The following WDR18 variants were observed in gnomAD, a reference collection of about 807,000 sequenced individuals.
The protein encoded by WDR18 is WD repeat domain 18, also known as WD repeat-containing protein 18.
A neutral mutation model predicts 49.6 loss-of-function variants in WDR18; 33 were observed. The ratio of observed to expected loss-of-function variants is 0.67; its 90% CI spans 0.50 to 0.89. The LOEUF is 0.89. Ranked by LOEUF, WDR18 falls within the 40% of genes least tolerant of loss-of-function variation. WDR18 has a pLI of 0.00. For missense variants in WDR18, 653 were observed against 593.6 expected (o/e 1.10, Z -1.04); for synonymous variants, 315 against 263.6 (o/e 1.19, Z -1.89).
At chr19:992,305 G>A (rs546726391) in intron 8 of WDR18, among the ~76,000 whole-genome samples, 184 bp downstream of exon 8, 1 of 152,228 alleles carries the variant, frequency 6.6e-6, no homozygotes, top group South Asian at 2.1e-4. Context: ...TCTCAGTATG[G>A]ACCCAGAGGC....
intron 2 of WDR18, among the ~76,000 whole-genome samples, chr19:989,050 C>T (rs1390494296): frequency 8.5e-6 from 1 of 117,510 alleles, no homozygotes; most frequent in East Asian, 2.7e-4. Flanking sequence ...GCCTCGAACC[C>T]ACAACCCCCA....
chr19:985,996 G>T (rs781419238), intron 2 of WDR18, 21 bp downstream of exon 2: 32 of 1,610,290 alleles, frequency 2.0e-5, no homozygotes, highest in Middle Eastern at 3.3e-4. Flanking sequence ...CAAAGCGTGA[G>T]CGTTTCCCAC....
intron 2 of WDR18, among the ~76,000 whole-genome samples, chr19:989,179 T>C (rs3815168): frequency 0.73 from 55,521 of 75,608 alleles, 20,079 homozygotes; most frequent in Middle Eastern, 0.82. Flanking sequence ...AGCATCTCAG[T>C]CCTCGAACCC....
At chr19:983,442 T>A (rs1409207310), upstream of WDR18, among the ~76,000 whole-genome samples, 3 of 152,010 alleles carry the variant, frequency 2.0e-5, no homozygotes, top group East Asian at 5.9e-4. Flanking sequence ...TTGTACTTTT[T>A]GTAAAGACGG....
At chr19:989,714 C>A in intron 2 of WDR18, 48 bp from the exon 3 acceptor site, 1 of 1,607,574 alleles carries the variant, frequency 6.2e-7, no homozygotes, top group Non-Finnish European at 8.5e-7. Context: ...CCCCTTTCCT[C>A]CCCTGGGGCT....
chr19:993,859 C>CG (rs2038593468), intron 8 of WDR18, among the ~76,000 whole-genome samples, 161 bp from the exon 9 acceptor site: 1 of 152,202 alleles, frequency 6.6e-6, no homozygotes, highest in Admixed American at 6.5e-5. Context: ...GCAGGCTCGA[C>CG]GGAGGTGAAC....
In WDR18 at chr19:989,836, C is replaced by G. The variant is rs551141167; in HGVS notation, c.396C>G (p.Asp132Glu). Residue 132 changes from aspartate (D) to glutamate (E), a missense_variant, in exon 3 of 10, where the codon GAC (aspartate) becomes GAG (glutamate). Transcript: ENST00000585809. The part of the protein sequence containing the change: ...QDVSCLQFTG[D>E]SSHFISGGKD... ...TCTCCTGCCTTCAGTTCACAGGGGA[C>G]AGCAGCCACTTCATCTCAGGGGGCA... 5.0e-6 allele frequency: 8 copies of G among 1,612,598 alleles called. No individual in the cohort carries two copies. The highest frequency in any genetic ancestry group is 5.9e-6 in the Non-Finnish European group (7 of 1,179,794).
rs757724277 is a variant in WDR18 at position 989,770 on chromosome 19, C to T, written c.330C>T (p.Thr110=). The change falls in exon 3 of 10, where the codon ACC becomes ACT. Residue 110 remains threonine, a synonymous_variant. Coordinates refer to ENST00000585809, the MANE Select transcript of WDR18 (RefSeq NM_024100.4). ...CCCTCTGCCCCTCACAGGTCTCCAC[C>T]GGGAACCTTCTGGTCATCCTGAGTC... The part of the protein sequence containing the change: ...AESIHLWEVS[T]GNLLVILSRH... 13 of 1,612,680 alleles carry T rather than the reference C, an allele frequency of 8.1e-6. No homozygotes were observed. Among genetic ancestry groups the T allele is most frequent in the East Asian group, 2.2e-5 (1 of 44,888 alleles).
rs542190475 is a variant in WDR18, at chr19:990,621, C to T, written c.598-231C>T. 228 of 809,854 alleles carry T rather than the reference C, an allele frequency of 2.8e-4. 5 individuals are homozygous for T. The South Asian group carries it at 4.3e-3, about 15-fold the overall frequency. The allele number at this position is 809,854 out of a possible 1,614,324, so 50.2% of individuals were successfully genotyped here. On this transcript the variant is annotated intron_variant, in intron 4 of 9. Transcript: ENST00000585809. ...GTCATCACTATGCTTGAGTCGTGAC[C>T]GGTGGTCCTGGGAGGGAGAACCAGG...
chr19:983,561 CTTT>C (rs34868789), upstream of WDR18, among the ~76,000 whole-genome samples: 77 of 141,974 alleles, frequency 5.4e-4, no homozygotes, highest in African/African-American at 1.9e-3. Flanking sequence ...AGCGCCCGGC[CTTT>C]TTTTTTTTTT....
Position 991,301 on chromosome 19 carries a change from G to A in WDR18, c.881G>A (p.Arg294His), listed in dbSNP as rs567748339. ...TCAGGCTCCCACGACGAGACCGTGC[G>A]CCTCTGGGACGTGCAGAGCAAGCAG... ...LLSGSHDETV[R>H]LWDVQSKQCI... is the part of the protein sequence containing the mutation. The change falls in exon 7 of 10, where the codon CGC becomes CAC. Residue 294 changes from arginine to histidine, a missense_variant. Physicochemically the swap from Arg to His is conservative, Grantham distance 29 (BLOSUM62 0). Transcript: ENST00000585809. 220 of 1,561,888 alleles carry A rather than the reference G, an allele frequency of 1.4e-4. 3 individuals carry two copies. The South Asian group carries it at 2.4e-3, about 17-fold the overall frequency.
Position 984,387 on chromosome 19 carries a change from G to T in WDR18, c.34G>T (p.Asp12Tyr), listed in dbSNP as rs1292599917. Reference protein sequence around the residue: ...AAPMEVAVCTDSAAPMWSCIV... With the variant: ...AAPMEVAVCTYSAAPMWSCIV... ...GCCCATGGAGGTGGCCGTGTGTACGGACTCGGCGGCCCCGATGTGGAGCTG... is the reference window on the plus strand; with the variant it reads ...GCCCATGGAGGTGGCCGTGTGTACGTACTCGGCGGCCCCGATGTGGAGCTG... Residue 12 changes from aspartate to tyrosine, a missense_variant, in exon 1 of 10, where the codon GAC becomes TAC. Physicochemically the swap from Asp to Tyr is radical, Grantham distance 160 (BLOSUM62 -3). Coordinates refer to ENST00000585809, the MANE Select transcript of WDR18 (RefSeq NM_024100.4). The T allele has an allele frequency of 1.9e-6, 3 of 1,601,096 alleles. No homozygotes were observed. Among genetic ancestry groups the T allele is most frequent in the Admixed American group, 1.7e-5 (1 of 59,014 alleles).
At chr19:993,531 G>A (rs560645240) in intron 8 of WDR18, among the ~76,000 whole-genome samples, 5 of 152,376 alleles carry the variant, frequency 3.3e-5, no homozygotes, top group African/African-American at 7.2e-5. Flanking sequence ...AAGGCGCTTC[G>A]TCCAGGAGGC....
intron 1 of WDR18, among the ~76,000 whole-genome samples, chr19:984,797 TG>T (rs1219594357): frequency 1.3e-5 from 1 of 74,984 alleles, no homozygotes; most frequent in Non-Finnish European, 2.7e-5. Context: ...ATGGGGGCAG[TG>T]GGGGAAAATG....
intron 8 of WDR18, among the ~76,000 whole-genome samples, chr19:993,236 G>C (rs761009469): frequency 3.3e-5 from 5 of 152,256 alleles, no homozygotes; most frequent in African/African-American, 1.2e-4. Context: ...GGCAGAGCCA[G>C]CTCCACGCTA....
At position 991,296 on chromosome 19, in the gene WDR18, C is replaced by A; in HGVS notation, c.876C>A (p.Thr292=). Residue 292 remains threonine (T), a synonymous_variant, in exon 7 of 10, where the codon ACC becomes ACA. Coordinates refer to ENST00000585809, the MANE Select transcript of WDR18 (RefSeq NM_024100.4). ...SVLLSGSHDE[T]VRLWDVQSKQ... ...TGCTCTCAGGCTCCCACGACGAGAC[C>A]GTGCGCCTCTGGGACGTGCAGAGCA... 6.4e-7 allele frequency: 1 copy of A among 1,563,074 alleles called. No homozygotes were observed. Among genetic ancestry groups the A allele is most frequent in the Non-Finnish European group, 8.7e-7 (1 of 1,153,414 alleles).
intron 1 of WDR18, among the ~76,000 whole-genome samples, chr19:985,376 G>A (rs1005253002): frequency 6.6e-6 from 1 of 152,100 alleles, no homozygotes; most frequent in African/African-American, 2.4e-5. Context: ...CACCATGTTG[G>A]CCAGGCTGGT....
In WDR18 at chr19:994,091, G is replaced by A. The variant is rs1300752273; in HGVS notation, c.1167+3G>A. On this transcript the variant is annotated splice_donor_region_variant and intron_variant, in intron 9 of 9. Coordinates refer to ENST00000585809, the MANE Select transcript of WDR18 (RefSeq NM_024100.4). Reference sequence around the variant, plus strand: ...TCCTGTGCAGCACCATGGAGAAGGTGGGCGGGGCCTCGGGAGGGGCGGGGC... The same window carrying A: ...TCCTGTGCAGCACCATGGAGAAGGTAGGCGGGGCCTCGGGAGGGGCGGGGC... The A allele has an allele frequency of 6.4e-7, 1 of 1,556,250 alleles. No individual in the cohort carries two copies. Among genetic ancestry groups the A allele is most frequent in the Non-Finnish European group, 8.7e-7 (1 of 1,152,076 alleles).
upstream of WDR18, among the ~76,000 whole-genome samples, chr19:983,805 C>G (rs73918279): frequency 0.045 from 6,812 of 151,680 alleles, 376 homozygotes; most frequent in African/African-American, 0.12. Flanking sequence ...TTTGGCAGGC[C>G]GAGCTGGGAG....
Sources: gnomAD v4.1 joint callset for allele counts (sites outside exome capture counted in the v4.1 genomes callset) on GRCh38, gnomAD v4.1.1 for gene constraint, MANE v1.5 for transcripts, NCBI Gene and HGNC (gene_info 2026-07-23, HGNC 2026-07-21) for gene names.